MTMR8: variants seen among roughly 807,000 people sequenced by gnomAD.
The protein encoded by MTMR8 is myotubularin related protein 8.
MTMR8 carries 65 observed loss-of-function variants against 39.3 expected under a neutral mutation model. The ratio of observed to expected loss-of-function variants is 1.65; its 90% confidence interval spans 1.35 to 2.03. MTMR8 has a LOEUF of 2.03. Ranked by LOEUF, MTMR8 falls within the 30% of genes most tolerant of loss-of-function variation. The pLI is 0.00. For missense variants in MTMR8, 777 were observed against 538.9 expected (o/e 1.44, Z -4.37); for synonymous variants, 245 against 185.2 (o/e 1.32, Z -2.62).
chrX:64,362,395 G>T (rs370511412), intron 1 of MTMR8, among the ~76,000 whole-genome samples: 5 of 93,054 alleles, frequency 5.4e-5, no homozygotes, highest in African/African-American at 2.0e-4. Flanking sequence ...GCTCTACTAG[G>T]TATTAAAACA....
chrX:64,362,807 G>C (rs1923829355), intron 1 of MTMR8, among the ~76,000 whole-genome samples: 1 of 107,549 alleles, frequency 9.3e-6, no homozygotes, highest in African/African-American at 3.6e-5. Flanking sequence ...ATTAATAAGA[G>C]AATAGGAGAA....
intron 10 of MTMR8, among the ~76,000 whole-genome samples, chrX:64,334,579 A>AG (rs1569222856): frequency 9.5e-6 from 1 of 105,418 alleles, no homozygotes; most frequent in Non-Finnish European, 2.0e-5. Context: ...TTAAAAAAAA[A>AG]AAAAAAAAAA....
At chrX:64,305,241 T>C in intron 12 of MTMR8, 1 of 168,757 alleles carries the variant, frequency 5.9e-6, no homozygotes. Flanking sequence ...GTCCTCCACA[T>C]TTTTCTATAA....
chrX:64,341,473 C>T lies in MTMR8; in HGVS notation c.975+2138G>A, dbSNP rs1381996368. Among the ~76,000 whole-genome samples the T allele has an allele frequency of 1.2e-4, 9 of 77,883 alleles. No homozygotes were observed. In the Admixed American group the frequency reaches 1.4e-3, roughly 12 times the overall value. 67.6% of individuals were successfully genotyped at this position (77,883 alleles called of 115,157 possible). A position where few individuals can be genotyped will look rare whatever the true frequency, so the allele number is the denominator to read the frequency against. On this transcript the variant is annotated intron_variant, in intron 8 of 13. Coordinates refer to ENST00000374852, the MANE Select transcript of MTMR8 (RefSeq NM_017677.4). Reference sequence around the variant, plus strand: ...CAGCCTGGGCAACAAGAGCAAAACTCTGTCTCAAAAAAAAAAAAAAAAAAA... The same window carrying T: ...CAGCCTGGGCAACAAGAGCAAAACTTTGTCTCAAAAAAAAAAAAAAAAAAA...
chrX:64,341,479 C>CA (rs758580930), intron 8 of MTMR8, among the ~76,000 whole-genome samples: 1,579 of 24,835 alleles, frequency 0.064, 45 homozygotes, highest in Admixed American at 0.11. Flanking sequence ...AACTCTGTCT[C>CA]AAAAAAAAAA....
At chrX:64,324,118 T>C (rs930076654) in intron 12 of MTMR8, among the ~76,000 whole-genome samples, 22 of 112,428 alleles carry the variant, frequency 2.0e-4, no homozygotes, top group Non-Finnish European at 3.8e-5. Flanking sequence ...ATCCCAGCAC[T>C]TTTGGGGGGG....
rs1404307040 is a variant in MTMR8, at chrX:64,356,328, T to C, written c.158A>G (p.His53Arg). 2.5e-6 allele frequency: 3 copies of C among 1,202,009 alleles called. No individual in the cohort carries two copies. The highest frequency in any genetic ancestry group is 3.0e-5 in the East Asian group (1 of 33,695). The change falls in exon 3 of 14, where the codon CAT (histidine) becomes CGT (arginine). Residue 53 changes from histidine (H) to arginine (R), a missense_variant. Transcript: ENST00000374852. ...AARKETWIAL[H>R]HIATVEKLPI... ...TAACTTCTCCACAGTGGCAATGTGATGGAGTGCAATCTGAAAAACATAAAA... is the reference window on the plus strand; with the variant it reads ...TAACTTCTCCACAGTGGCAATGTGACGGAGTGCAATCTGAAAAACATAAAA...
chrX:64,381,364 T>A (rs1924414265), intron 1 of MTMR8, among the ~76,000 whole-genome samples: 1 of 112,023 alleles, frequency 8.9e-6, no homozygotes, highest in Non-Finnish European at 1.9e-5. Flanking sequence ...GATGAGCATT[T>A]TTTCATGTGT....
chrX:64,346,773 C>A (rs1160680648), intron 6 of MTMR8, among the ~76,000 whole-genome samples: 12 of 110,554 alleles, frequency 1.1e-4, no homozygotes, highest in Non-Finnish European at 2.1e-4. Context: ...CAAAATGCAC[C>A]AACCCTTTTG....
chrX:64,316,008 A>G (rs1922455670), intron 12 of MTMR8, among the ~76,000 whole-genome samples: 2 of 110,852 alleles, frequency 1.8e-5, no homozygotes, highest in South Asian at 7.7e-4. Flanking sequence ...AAGTCTACAA[A>G]TCCTCCTTCC....
At chrX:64,323,814 C>T (rs1041200896) in intron 12 of MTMR8, among the ~76,000 whole-genome samples, 34 of 111,691 alleles carry the variant, frequency 3.0e-4, no homozygotes, top group African/African-American at 1.1e-3. Flanking sequence ...TCTTATATGA[C>T]CAACAGGTCA....
Position 64,268,586 on chromosome X carries a change from C to T in MTMR8, c.2066G>A (p.Gly689Asp), listed in dbSNP as rs777944614. 8.3e-7 allele frequency: 1 copy of T among 1,208,667 alleles called. No homozygotes were observed. The highest frequency in any genetic ancestry group is 1.8e-5 in the African/African-American group (1 of 56,996). Residue 689 changes from glycine to aspartate, a missense_variant, in exon 14 of 14, where the codon GGC (glycine) becomes GAC (aspartate). Gly to Asp is a moderately conservative substitution (Grantham distance 94, BLOSUM62 -1). Coordinates refer to ENST00000374852, the MANE Select transcript of MTMR8 (RefSeq NM_017677.4). ...CTCCTTGGTGCTGGCCTTGGAGATG[C>T]CTGTGTCCCCCAAGATGCCCATGTC... ...SGDMGILGDT[G>D]ISKASTKEAD...
At chrX:64,387,682 G>A (rs1924597611) in intron 1 of MTMR8, among the ~76,000 whole-genome samples, 1 of 106,400 alleles carries the variant, frequency 9.4e-6, no homozygotes, top group African/African-American at 3.5e-5. Context: ...GGTTGGGGGT[G>A]AGGGGAAGAG....
intron 12 of MTMR8, among the ~76,000 whole-genome samples, chrX:64,286,972 G>A (rs1444863937): frequency 1.8e-5 from 2 of 111,303 alleles, no homozygotes; most frequent in South Asian, 3.8e-4. Flanking sequence ...GGGCAATCAG[G>A]CAGAAGAAAG....
intron 4 of MTMR8, 43 bp from the exon 5 acceptor site, chrX:64,350,113 C>T (rs757610044): frequency 2.2e-5 from 17 of 756,031 alleles, no homozygotes; most frequent in Non-Finnish European, 2.7e-5. Flanking sequence ...TATATTTATA[C>T]ATTTATATAT....
At chrX:64,349,551 T>A (rs1429315152) in intron 5 of MTMR8, among the ~76,000 whole-genome samples, 3 of 111,002 alleles carry the variant, frequency 2.7e-5, no homozygotes, top group African/African-American at 9.8e-5. Context: ...TTCTTACTAC[T>A]ACCTGAAATT....
rs144545867 is a variant in MTMR8, at chrX:64,283,094, A to T, written c.1482-12021T>A. 1.4e-3 allele frequency among the ~76,000 whole-genome samples: 162 copies of T among 111,975 alleles called. 4 individuals carry two copies. The East Asian group carries it at 0.045, about 31-fold the overall frequency. On this transcript the variant is annotated intron_variant, in intron 12 of 13. Transcript: ENST00000374852. ...TCATAGCCAAGCAAAGCTGTGACAGATGGCACCTGGAATTTTGGGTCACTC... is the reference window on the plus strand; with the variant it reads ...TCATAGCCAAGCAAAGCTGTGACAGTTGGCACCTGGAATTTTGGGTCACTC...
Position 64,358,188 on chromosome X carries a change from T to A in MTMR8, c.147+1217A>T, listed in dbSNP as rs144775424. On this transcript the variant is annotated intron_variant, in intron 2 of 13. Coordinates refer to ENST00000374852, the MANE Select transcript of MTMR8 (RefSeq NM_017677.4). ...TTACTAATTATATAATCTAACCACC[T>A]CATTTTACAGATGAAGAAACAAGCC... Among the ~76,000 whole-genome samples the A allele has an allele frequency of 6.7e-3, 747 of 111,784 alleles. 13 individuals carry two copies. Among genetic ancestry groups the A allele is most frequent in the African/African-American group, 0.023 (712 of 30,819 alleles).
Position 64,395,402 on chromosome X carries a change from C to T in MTMR8, c.-39G>A. Reference sequence around the variant, plus strand: ...GCCACCGGAAGATCTCAGTGCTACTCCAGATGCCGCCGCCACCGGTCTAGC... The same window carrying T: ...GCCACCGGAAGATCTCAGTGCTACTTCAGATGCCGCCGCCACCGGTCTAGC... On this transcript the variant is annotated 5_prime_UTR_variant, in exon 1 of 14. Transcript: ENST00000374852. 2 of 1,195,994 alleles carry T rather than the reference C, an allele frequency of 1.7e-6. No homozygotes were observed. The highest frequency in any genetic ancestry group is 2.3e-6 in the Non-Finnish European group (2 of 883,943).
Sources: allele counts gnomAD v4.1 joint callset (sites outside exome capture counted in the v4.1 genomes callset), GRCh38; gene constraint gnomAD v4.1.1; transcripts MANE v1.5; gene names NCBI Gene and HGNC (gene_info 2026-07-23, HGNC 2026-07-21).